Variants in ZNF780B observed in about 807,000 individuals in gnomAD.
The protein encoded by ZNF780B is zinc finger protein 779.
In ZNF780B, 52 loss-of-function variants were observed where a neutral mutation model predicts 74.1. The ratio of observed to expected loss-of-function variants is 0.70; its 90% CI spans 0.56 to 0.88. The LOEUF (loss-of-function observed/expected upper bound fraction) is 0.88. Ranked by LOEUF, ZNF780B falls within the 40% of genes least tolerant of loss-of-function variation. ZNF780B has a pLI of 0.00. For synonymous variants in ZNF780B, 315 were observed against 324.3 expected, an observed-to-expected ratio of 0.97 and a Z score of 0.31; for missense variants, 953 against 1,007.6, an observed-to-expected ratio of 0.95 and a Z score of 0.73.
chr19:40,035,380 G>A lies in ZNF780B; in HGVS notation c.1479C>T (p.Asn493=). 2 of 1,613,956 alleles carry A rather than the reference G, an allele frequency of 1.2e-6. No homozygotes were observed. The highest frequency in any genetic ancestry group is 8.5e-7 in the Non-Finnish European group (1 of 1,179,972). ...SLLTQLARHK[N]IHTGEKPFEC... Reference sequence around the variant, plus strand: ...CAAATGGTTTCTCACCAGTATGAATGTTCTTATGTCGAGCAAGCTGTGTCA... The same window carrying A: ...CAAATGGTTTCTCACCAGTATGAATATTCTTATGTCGAGCAAGCTGTGTCA... Residue 493 remains asparagine (N), a synonymous_variant, in exon 5 of 5, where the codon AAC becomes AAT. Transcript: ENST00000434248.
At position 40,047,372 on chromosome 19, in the gene ZNF780B, T is replaced by C; in HGVS notation, c.232+3A>G. On this transcript the variant is annotated splice_donor_region_variant and intron_variant, in intron 4 of 4. Transcript: ENST00000434248. ...TCCCCCTGCCTGCTTTACTCTCACT[T>C]ACCTGGATACCATCTGCTTGTTTCT... 2 of 1,611,720 alleles carry C rather than the reference T, an allele frequency of 1.2e-6. No individual in the cohort carries two copies. Among genetic ancestry groups the C allele is most frequent in the Non-Finnish European group, 1.7e-6 (2 of 1,177,948 alleles).
chr19:40,032,562 C>CA lies in ZNF780B; in HGVS notation c.*1794dup, dbSNP rs1235146141. The stretch of plus-strand genomic sequence containing the variant: ...TGAAACCCTGTCTCTACTAAAAATA[C>CA]AAAAAATTAGCTGGGCATGGTGGCG... On this transcript the variant is annotated 3_prime_UTR_variant, in exon 5 of 5. Transcript: ENST00000434248. 1 of 193,678 alleles carries CA rather than the reference C, an allele frequency of 5.2e-6. No homozygotes were observed. Among genetic ancestry groups the CA allele is most frequent in the African/African-American group, 2.4e-5 (1 of 41,608 alleles). 12.0% of individuals were successfully genotyped at this position (193,678 alleles called of 1,614,324 possible).
chr19:40,050,262 AACAGTCACCT>A, intron 2 of ZNF780B, 52 bp downstream of exon 2: 2 of 1,544,486 alleles, frequency 1.3e-6, no homozygotes, highest in South Asian at 2.3e-5. Flanking sequence ...GTTTAATAAT[AACAGTCACCT>A]AACCTAACCT....
chr19:40,039,359 T>G (rs1465481580), intron 4 of ZNF780B, among the ~76,000 whole-genome samples: 2 of 152,254 alleles, frequency 1.3e-5, no homozygotes, highest in Non-Finnish European at 2.9e-5. Flanking sequence ...GCCTCCGGCT[T>G]TGTTCTTTTG....
intron 4 of ZNF780B, among the ~76,000 whole-genome samples, chr19:40,042,840 G>T (rs1972716432): frequency 6.6e-6 from 1 of 152,066 alleles, no homozygotes; most frequent in Admixed American, 6.6e-5. Flanking sequence ...TTTTGCCATT[G>T]GTTTGAATTT....
intron 4 of ZNF780B, among the ~76,000 whole-genome samples, chr19:40,038,860 T>C (rs977553692): frequency 1.1e-4 from 16 of 146,528 alleles, no homozygotes; most frequent in Non-Finnish European, 7.6e-5. Context: ...ATTTTGTAGG[T>C]TGCCTGTTCA....
chr19:40,036,377 G>T lies in ZNF780B; in HGVS notation c.482C>A (p.Thr161Lys), dbSNP rs1323404718. 1.2e-6 allele frequency: 2 copies of T among 1,611,784 alleles called. No individual in the cohort carries two copies. The highest frequency in any genetic ancestry group is 1.7e-6 in the Non-Finnish European group (2 of 1,179,312). The change falls in exon 5 of 5, where the codon ACA becomes AAA. Residue 161 changes from threonine to lysine, a missense_variant. By Grantham distance (78) the Thr-to-Lys change is moderately conservative. Coordinates refer to ENST00000434248, the MANE Select transcript of ZNF780B (RefSeq NM_001005851.3). Reference protein sequence around the residue: ...AYTHASPIHNTHKPYECKECG... With the variant: ...AYTHASPIHNKHKPYECKECG... ...TTCCTTACATTCATATGGTTTATGTGTATTATGAATAGGAGAAGCATGAGT... is the reference window on the plus strand; with the variant it reads ...TTCCTTACATTCATATGGTTTATGTTTATTATGAATAGGAGAAGCATGAGT...
intron 4 of ZNF780B, among the ~76,000 whole-genome samples, chr19:40,046,343 C>A (rs1476379189): frequency 6.6e-6 from 1 of 152,154 alleles, no homozygotes; most frequent in African/African-American, 2.4e-5. Flanking sequence ...ACCTTCTATG[C>A]ATGGAACAAA....
intron 3 of ZNF780B, among the ~76,000 whole-genome samples, chr19:40,047,943 T>C (rs1021329218): frequency 6.6e-6 from 1 of 152,240 alleles, no homozygotes; most frequent in Non-Finnish European, 1.5e-5. Flanking sequence ...TTATGTTTAT[T>C]GTCATTATTT....
At position 40,030,400 on chromosome 19, in the gene ZNF780B, C is replaced by T. The variant is rs1599753390; in HGVS notation, c.*3957G>A. Reference sequence around the variant, plus strand: ...AATCCAGAGAGGACATTAATTTATTCATGAGGGATCTTCTCCCATGACCCA... The same window carrying T: ...AATCCAGAGAGGACATTAATTTATTTATGAGGGATCTTCTCCCATGACCCA... On this transcript the variant is annotated 3_prime_UTR_variant, in exon 5 of 5. Transcript: ENST00000434248. 1 of 152,258 alleles carries T rather than the reference C, an allele frequency of 6.6e-6. No individual in the cohort carries two copies. The highest frequency in any genetic ancestry group is 1.5e-5 in the Non-Finnish European group (1 of 68,018). The allele number at this position is 152,258 out of a possible 1,614,324, so 9.4% of individuals were successfully genotyped here.
In ZNF780B at chr19:40,033,377, T is replaced by C; in HGVS notation, c.*980A>G. 1 of 155,012 alleles carries C rather than the reference T, an allele frequency of 6.5e-6. No homozygotes were observed. Among genetic ancestry groups the C allele is most frequent in the Middle Eastern group, 5.2e-4 (1 of 1,926 alleles). 9.6% of individuals were successfully genotyped at this position (155,012 alleles called of 1,614,324 possible). A position where few individuals can be genotyped will look rare whatever the true frequency, so the allele number is the denominator to read the frequency against. On this transcript the variant is annotated 3_prime_UTR_variant, in exon 5 of 5. Coordinates refer to ENST00000434248, the MANE Select transcript of ZNF780B (RefSeq NM_001005851.3). ...AGGTACGCCTGTATCCAGTAAAATATTTCACGGGCAGTAAACTGTGAACAT... is the reference window on the plus strand; with the variant it reads ...AGGTACGCCTGTATCCAGTAAAATACTTCACGGGCAGTAAACTGTGAACAT...
chr19:40,037,704 G>C (rs1972404190), intron 4 of ZNF780B, among the ~76,000 whole-genome samples: 1 of 152,078 alleles, frequency 6.6e-6, no homozygotes, highest in Non-Finnish European at 1.5e-5. Flanking sequence ...TTAACACAGA[G>C]AACAAAACTT....
intron 1 of ZNF780B, among the ~76,000 whole-genome samples, chr19:40,050,597 C>G (rs1254692759): frequency 6.6e-6 from 1 of 152,256 alleles, no homozygotes; most frequent in Non-Finnish European, 1.5e-5. Context: ...TCGCCTACAT[C>G]CCAGGGAACC....
Position 40,035,915 on chromosome 19 carries a change from C to G in ZNF780B, c.944G>C (p.Arg315Pro), listed in dbSNP as rs201941034. 1.2e-6 allele frequency: 2 copies of G among 1,613,256 alleles called. No individual in the cohort carries two copies. The highest frequency in any genetic ancestry group is 2.2e-5 in the East Asian group (1 of 44,788). The change falls in exon 5 of 5, where the codon CGA (arginine) becomes CCA (proline). Residue 315 changes from arginine to proline, a missense_variant. By Grantham distance (103) the Arg-to-Pro change is moderately radical. Coordinates refer to ENST00000434248, the MANE Select transcript of ZNF780B (RefSeq NM_001005851.3). ...FVCRECEMAFRYHYQLIEHCR... is the reference protein window; with the variant it reads ...FVCRECEMAFPYHYQLIEHCR... Reference sequence around the variant, plus strand: ...ATGTTCAATGAGTTGGTAATGATATCGAAAGGCCATCTCACATTCCCTACA... The same window carrying G: ...ATGTTCAATGAGTTGGTAATGATATGGAAAGGCCATCTCACATTCCCTACA...
chr19:40,035,789 C>T lies in ZNF780B; in HGVS notation c.1070G>A (p.Gly357Asp). 1.9e-6 allele frequency: 3 copies of T among 1,614,092 alleles called. No homozygotes were observed. Among genetic ancestry groups the T allele is most frequent in the Non-Finnish European group, 2.5e-6 (3 of 1,180,028 alleles). ...KLVRHQKIHM[G>D]EKPFECRECG... ...TTCCCTGCATTCAAAGGGCTTCTCA[C>T]CCATATGAATCTTCTGATGTCGAAC... is the stretch of plus-strand genomic sequence containing the variant. Residue 357 changes from glycine to aspartate, a missense_variant, in exon 5 of 5, where the codon GGT (glycine) becomes GAT (aspartate). Transcript: ENST00000434248.
intron 4 of ZNF780B, among the ~76,000 whole-genome samples, chr19:40,042,941 G>A (rs1210199431): frequency 3.9e-5 from 6 of 152,300 alleles, no homozygotes; most frequent in East Asian, 1.9e-4. Context: ...TCCATTGCTG[G>A]TGAGGAGCTG....
chr19:40,048,995 G>T (rs561923639), intron 2 of ZNF780B, 199 bp from the exon 3 acceptor site: 76 of 736,832 alleles, frequency 1.0e-4, no homozygotes, highest in African/African-American at 1.0e-3. Context: ...AGACCAAGGT[G>T]GAAGGACTGC....
At chr19:40,039,233 A>G (rs542407660) in intron 4 of ZNF780B, among the ~76,000 whole-genome samples, 8 of 152,124 alleles carry the variant, frequency 5.3e-5, no homozygotes, top group African/African-American at 1.7e-4. Flanking sequence ...GATAGGCAGC[A>G]TTATTTCTGA....
In ZNF780B at chr19:40,050,381, G is replaced by T; in HGVS notation, c.-45-4C>A. 6.3e-7 allele frequency: 1 copy of T among 1,579,216 alleles called. No individual in the cohort carries two copies. Among genetic ancestry groups the T allele is most frequent in the Non-Finnish European group, 8.6e-7 (1 of 1,168,442 alleles). ...CAATCTTCCTCGGGCTTCTCCCCTGGAAAACAACAACAACAAAAAGGCCCT... is the reference window on the plus strand; with the variant it reads ...CAATCTTCCTCGGGCTTCTCCCCTGTAAAACAACAACAACAAAAAGGCCCT... On this transcript the variant is annotated splice_polypyrimidine_tract_variant and splice_region_variant and intron_variant, in intron 1 of 4. Transcript: ENST00000434248.
Sources: gnomAD v4.1 joint callset for allele counts (sites outside exome capture counted in the v4.1 genomes callset) on GRCh38, gnomAD v4.1.1 for gene constraint, MANE v1.5 for transcripts, NCBI Gene and HGNC (gene_info 2026-07-23, HGNC 2026-07-21) for gene names.